Variants in USP49 observed in about 807,000 individuals in gnomAD.
The protein encoded by USP49 is ubiquitin carboxyl-terminal hydrolase 49.
In USP49, 24 loss-of-function variants were observed where a neutral mutation model predicts 58.6. The ratio of observed to expected loss-of-function variants is 0.41; its 90% CI spans 0.30 to 0.58. USP49 has a LOEUF of 0.58. Among genes scored for constraint, USP49 ranks in the 20% least tolerant of loss-of-function variants. The probability of loss-of-function intolerance (pLI) is 0.30; values close to 1 mark genes in which losing one functional copy is unlikely to be tolerated. For missense variants in USP49, 703 were observed against 866.1 expected, an observed-to-expected ratio of 0.81 and a Z score of 2.36; for synonymous variants, 408 against 365.1, an observed-to-expected ratio of 1.12 and a Z score of -1.34.
rs567488444 is a variant in USP49 at position 41,798,568 on chromosome 6, G to A, written c.1876+156C>T. 9.3e-5 allele frequency: 144 copies of A among 1,546,662 alleles called. No individual in the cohort carries two copies. The East Asian group carries it at 1.4e-3, about 15-fold the overall frequency. On this transcript the variant is annotated intron_variant, in intron 7 of 7. Coordinates refer to ENST00000682992, the MANE Select transcript of USP49 (RefSeq NM_001286554.2). The stretch of plus-strand genomic sequence containing the variant: ...TAGGATTACAGGTGTGAGCCACGGC[G>A]CCCAACCCAATTTTCACAATTCTTT...
At chr6:41,867,808 G>A (rs913817085) in intron 3 of USP49, among the ~76,000 whole-genome samples, 7 of 151,998 alleles carry the variant, frequency 4.6e-5, no homozygotes, top group Admixed American at 1.3e-4. Flanking sequence ...TCGTTCTTTA[G>A]CTAGTTAGGT....
chr6:41,800,503 G>A (rs189068216), intron 5 of USP49, among the ~76,000 whole-genome samples: 7 of 152,308 alleles, frequency 4.6e-5, no homozygotes, highest in East Asian at 1.9e-4. Context: ...ATAATGGAAC[G>A]TGCAGCAGCA....
At position 41,876,216 on chromosome 6, in the gene USP49, C is replaced by T. The variant is rs188252689; in HGVS notation, c.-102-4579G>A. ...TAGCTGTGAAAGCAGGCAAGGCAGTCATAATAATCTAGGAAGCTGCATCTA... is the reference window on the plus strand; with the variant it reads ...TAGCTGTGAAAGCAGGCAAGGCAGTTATAATAATCTAGGAAGCTGCATCTA... On this transcript the variant is annotated intron_variant, in intron 2 of 7. Coordinates refer to ENST00000682992, the MANE Select transcript of USP49 (RefSeq NM_001286554.2). 1.4e-4 allele frequency among the ~76,000 whole-genome samples: 22 copies of T among 152,288 alleles called. No individual in the cohort carries two copies. The East Asian group carries it at 1.5e-3, about 11-fold the overall frequency.
At position 41,806,118 on chromosome 6, in the gene USP49, G is replaced by C. The variant is rs751219308; in HGVS notation, c.866C>G (p.Thr289Arg). 1 of 1,613,962 alleles carries C rather than the reference G, an allele frequency of 6.2e-7. No homozygotes were observed. Among genetic ancestry groups the C allele is most frequent in the Admixed American group, 1.7e-5 (1 of 60,032 alleles). Residue 289 changes from threonine (T) to arginine (R), a missense_variant, in exon 4 of 8, where the codon ACG becomes AGG. Transcript: ENST00000682992. This position sits in a 1 kb window ranked among gnomAD's most constrained non-coding sequence, Gnocchi z 5.9. The part of the protein sequence containing the change: ...ECFLNLDPSK[T>R]EHLFPKATNG... ...GGTGGCTTTGGGAAACAGATGTTCC[G>C]TTTTGGAAGGGTCAAGGTTGAGGAA... is the stretch of plus-strand genomic sequence containing the variant.
chr6:41,804,759 G>T (rs569984559), intron 4 of USP49, among the ~76,000 whole-genome samples: 35 of 151,722 alleles, frequency 2.3e-4, no homozygotes, highest in African/African-American at 7.5e-4. Flanking sequence ...TTGTTTTTTG[G>T]TTTTTTTTGA....
At position 41,795,910 on chromosome 6, in the gene USP49, G is replaced by A. The variant is rs1027762492; in HGVS notation, c.*623C>T. On this transcript the variant is annotated 3_prime_UTR_variant, in exon 8 of 8. Transcript: ENST00000682992. ...TGACAGCAGCAAGTAGGGAGGGTAT[G>A]ACATATGAAAACCATCCCACTTTGC... The A allele has an allele frequency of 7.2e-5, 11 of 152,210 alleles. No individual in the cohort carries two copies. The highest frequency in any genetic ancestry group is 1.5e-4 in the Non-Finnish European group (10 of 68,042). 9.4% of individuals were successfully genotyped at this position (152,210 alleles called of 1,614,324 possible). A position where few individuals can be genotyped will look rare whatever the true frequency, so the allele number is the denominator to read the frequency against.
At chr6:41,817,525 T>C (rs1773378712) in intron 3 of USP49, among the ~76,000 whole-genome samples, 1 of 141,216 alleles carries the variant, frequency 7.1e-6, no homozygotes, top group African/African-American at 2.7e-5. Flanking sequence ...AGTGGCGCAA[T>C]CTTGGCTAAC....
chr6:41,829,820 T>A (rs912569391), intron 3 of USP49, among the ~76,000 whole-genome samples: 1 of 152,230 alleles, frequency 6.6e-6, no homozygotes, highest in Non-Finnish European at 1.5e-5. Flanking sequence ...AAGGAAGTTT[T>A]GGTTAACTTT....
At chr6:41,838,691 T>C (rs1437794915) in intron 3 of USP49, among the ~76,000 whole-genome samples, 2 of 152,166 alleles carry the variant, frequency 1.3e-5, no homozygotes, top group Non-Finnish European at 2.9e-5. Context: ...AAAGTAATTT[T>C]GCTAATATGA....
intron 2 of USP49, among the ~76,000 whole-genome samples, chr6:41,880,140 AG>A (rs1446299760): frequency 2.5e-5 from 3 of 119,372 alleles, no homozygotes; most frequent in Non-Finnish European, 3.9e-5. Flanking sequence ...CAACATTCAC[AG>A]AAAAAAAAAA....
chr6:41,806,793 G>A lies in USP49; in HGVS notation c.191C>T (p.Pro64Leu). The A allele has an allele frequency of 6.2e-7, 1 of 1,614,176 alleles. No homozygotes were observed. Among genetic ancestry groups the A allele is most frequent in the South Asian group, 1.1e-5 (1 of 91,092 alleles). Residue 64 changes from proline to leucine, a missense_variant, in exon 4 of 8, where the codon CCG becomes CTG. By Grantham distance (98) the Pro-to-Leu change is moderately conservative (BLOSUM62 -3). Coordinates refer to ENST00000682992, the MANE Select transcript of USP49 (RefSeq NM_001286554.2). This position sits in a 1 kb window ranked among gnomAD's most constrained non-coding sequence, Gnocchi z 5.9. ...GAGATCCCGGACTTCCATGGCTAGC[G>A]GGTGTCCCGTCTCCTCAAAGTGTTT... ...ALKHFEETGH[P>L]LAMEVRDLYV...
intron 5 of USP49, among the ~76,000 whole-genome samples, chr6:41,802,217 C>G (rs1003675369): frequency 1.3e-5 from 2 of 151,262 alleles, no homozygotes; most frequent in African/African-American, 4.8e-5. Flanking sequence ...TAAAAGAGGT[C>G]TTGCTATGCC....
At chr6:41,879,135 C>T (rs1362469930) in intron 2 of USP49, among the ~76,000 whole-genome samples, 1 of 152,178 alleles carries the variant, frequency 6.6e-6, no homozygotes, top group African/African-American at 2.4e-5. Context: ...TGGCTCATGC[C>T]TATAATCCCA....
At chr6:41,875,738 T>A (rs79981034) in intron 2 of USP49, among the ~76,000 whole-genome samples, 5 of 152,304 alleles carry the variant, frequency 3.3e-5, no homozygotes, top group East Asian at 3.9e-4. Flanking sequence ...CATTTTTTTT[T>A]AATTTTTGAG....
chr6:41,799,647 G>C (rs1246981485), intron 6 of USP49, among the ~76,000 whole-genome samples, 183 bp downstream of exon 6: 2 of 152,204 alleles, frequency 1.3e-5, no homozygotes, highest in Non-Finnish European at 2.9e-5. Flanking sequence ...GCCCAGTCCT[G>C]CTGGGCTCCC....
chr6:41,839,771 A>G (rs777125904), intron 3 of USP49, among the ~76,000 whole-genome samples: 7 of 150,744 alleles, frequency 4.6e-5, no homozygotes, highest in Non-Finnish European at 8.9e-5. Context: ...GTATGTTCTC[A>G]TAAGTGGGAG....
At position 41,827,665 on chromosome 6, in the gene USP49, ACT is replaced by A. The variant is rs1461712332; in HGVS notation, c.-28-20656_-28-20655del. Among the ~76,000 whole-genome samples the A allele has an allele frequency of 6.0e-5, 7 of 115,888 alleles. 2 individuals are homozygous for A. The highest frequency in any genetic ancestry group is 2.4e-4 in the African/African-American group (7 of 28,794). 76.0% of individuals were successfully genotyped at this position (115,888 alleles called of 152,430 possible). A position where few individuals can be genotyped will look rare whatever the true frequency, so the allele number is the denominator to read the frequency against. ...ATAGAGCAAGGGGCAATACAGCAAG[ACT>A]CTGTCTCCAAAAAAAAAAAAAAAAA... On this transcript the variant is annotated intron_variant, in intron 3 of 7. Transcript: ENST00000682992.
intron 4 of USP49, 57 bp from the exon 5 acceptor site, chr6:41,804,067 T>G: frequency 6.6e-7 from 1 of 1,507,322 alleles, no homozygotes; most frequent in South Asian, 1.2e-5. Flanking sequence ...CTGTGTACAG[T>G]TTTACTTGCT....
intron 2 of USP49, among the ~76,000 whole-genome samples, chr6:41,878,544 C>T (rs553196678): frequency 6.6e-6 from 1 of 152,124 alleles, no homozygotes; most frequent in African/African-American, 2.4e-5. Context: ...ATAGCATATA[C>T]CAGAGTTGCT....
Sources: gnomAD v4.1 joint callset for allele counts (sites outside exome capture counted in the v4.1 genomes callset) on GRCh38, gnomAD v4.1.1 for gene constraint, Gnocchi (gnomAD v3.1) non-coding constraint, MANE v1.5 for transcripts, NCBI Gene and HGNC (gene_info 2026-07-23, HGNC 2026-07-21) for gene names.